GRHL2: variants seen among roughly 807,000 people sequenced by gnomAD.
GRHL2 encodes grainyhead-like protein 2 homolog.
In GRHL2, 21 loss-of-function variants were observed where a neutral mutation model predicts 83.8. The ratio of observed to expected loss-of-function variants is 0.25; its 90% CI spans 0.18 to 0.36. The LOEUF (loss-of-function observed/expected upper bound fraction) is 0.36, where lower values mean the gene tolerates loss of function less well. Among genes scored for constraint, GRHL2 ranks in the 10% least tolerant of loss-of-function variants. GRHL2 has a pLI of 1.00. For synonymous variants in GRHL2, 280 were observed against 278.9 expected (o/e 1.00, Z -0.04); for missense variants, 623 against 781.8 (o/e 0.80, Z 2.42).
chr8:101,606,176 C>G (rs1276435815), intron 8 of GRHL2, among the ~76,000 whole-genome samples: 1 of 152,196 alleles, frequency 6.6e-6, no homozygotes, highest in African/African-American at 2.4e-5. Context: ...CTCACATTTA[C>G]CAGGGTGGTA....
At chr8:101,548,903 T>C (rs942473635) in intron 2 of GRHL2, among the ~76,000 whole-genome samples, 5 of 152,202 alleles carry the variant, frequency 3.3e-5, no homozygotes, top group African/African-American at 1.2e-4. Flanking sequence ...CGCTAACATG[T>C]TTCAGTGTTT....
chr8:101,676,907 T>C, the GRHL2 span, among the ~76,000 whole-genome samples: 1 of 152,264 alleles, frequency 6.6e-6, no homozygotes, highest in African/African-American at 2.4e-5. Flanking sequence ...TCATGTCCTT[T>C]GTAGGGACAT....
Position 101,575,971 on chromosome 8 carries a change from T to C in GRHL2, c.892-1437T>C, listed in dbSNP as rs1258197584. Among the ~76,000 whole-genome samples the C allele has an allele frequency of 3.3e-5, 5 of 152,338 alleles. No homozygotes were observed. The East Asian group carries it at 9.6e-4, about 29-fold the overall frequency. ...CTAAACAGTTTTCCTAACAAACATC[T>C]GCTTTCTTGTGTAAAAATTGTTTAC... On this transcript the variant is annotated intron_variant, in intron 6 of 15. Coordinates refer to ENST00000646743, the MANE Select transcript of GRHL2 (RefSeq NM_024915.4).
intron 14 of GRHL2, among the ~76,000 whole-genome samples, chr8:101,652,390 TGTGTGTGTCTG>T (rs1256432274): frequency 7.5e-5 from 5 of 67,016 alleles, no homozygotes; most frequent in East Asian, 8.9e-4. Flanking sequence ...GTGTGGTGTG[TGTGTGTGTCTG>T]GTGTGTGTGT....
chr8:101,596,464 G>GTCC (rs1812394046), intron 7 of GRHL2, among the ~76,000 whole-genome samples: 1 of 152,092 alleles, frequency 6.6e-6, no homozygotes, highest in African/African-American at 2.4e-5. Flanking sequence ...AAGCATATAT[G>GTCC]AATTTTTAGC....
chr8:101,569,346 T>G (rs1811776286), intron 4 of GRHL2, among the ~76,000 whole-genome samples: 1 of 152,142 alleles, frequency 6.6e-6, no homozygotes, highest in Non-Finnish European at 1.5e-5. Flanking sequence ...CTTAACAATA[T>G]TGTGATAATG....
At chr8:101,524,556 AG>A (rs1262213127) in intron 1 of GRHL2, among the ~76,000 whole-genome samples, 4 of 152,206 alleles carry the variant, frequency 2.6e-5, no homozygotes, top group Non-Finnish European at 4.4e-5. Context: ...TTAAAAAAAA[AG>A]CTTCCTTTAA....
chr8:101,593,183 T>G (rs1194952710), intron 7 of GRHL2, among the ~76,000 whole-genome samples: 1 of 152,216 alleles, frequency 6.6e-6, no homozygotes, highest in Non-Finnish European at 1.5e-5. Context: ...TGACCTCAGA[T>G]GATCCACCTG....
At chr8:101,554,861 ATTAT>A (rs66711617) in intron 3 of GRHL2, among the ~76,000 whole-genome samples, 90,728 of 151,556 alleles carry the variant, frequency 0.6, 29,304 homozygotes, top group Non-Finnish European at 0.74. Context: ...CTTAGTTTTA[ATTAT>A]TCATTTTTTA....
Position 101,652,341 on chromosome 8 carries a change from ATG to A in GRHL2, c.1698+2849_1698+2850del, listed in dbSNP as rs761073289. 3.3e-3 allele frequency among the ~76,000 whole-genome samples: 245 copies of A among 73,908 alleles called. 22 individuals are homozygous for A. Among genetic ancestry groups the A allele is most frequent in the Non-Finnish European group, 4.8e-3 (192 of 39,756 alleles). 48.5% of individuals were successfully genotyped at this position (73,908 alleles called of 152,430 possible). Reference sequence around the variant, plus strand: ...GTGCGTGTGTGTGTGGTGTGTGTGTATGTGTGTGGTGTGTGTGGTGTGTGTGT... The same window carrying A: ...GTGCGTGTGTGTGTGGTGTGTGTGTATGTGTGGTGTGTGTGGTGTGTGTGT... On this transcript the variant is annotated intron_variant, in intron 14 of 15. Transcript: ENST00000646743.
intron 14 of GRHL2, among the ~76,000 whole-genome samples, chr8:101,655,074 C>T (rs1174523762): frequency 3.3e-5 from 5 of 151,894 alleles, no homozygotes; most frequent in East Asian, 1.9e-4. Flanking sequence ...GCCAGCTACT[C>T]GGGAGGCTGA....
chr8:101,643,043 C>T (rs148856830), intron 12 of GRHL2, among the ~76,000 whole-genome samples: 111 of 152,268 alleles, frequency 7.3e-4, no homozygotes, highest in African/African-American at 2.6e-3. Flanking sequence ...AACAGTTCTG[C>T]TGAGCTACCC....
At chr8:101,496,647 G>T (rs1447151512) in intron 1 of GRHL2, among the ~76,000 whole-genome samples, 1 of 152,120 alleles carries the variant, frequency 6.6e-6, no homozygotes. Context: ...ATTAGATGAT[G>T]ATAAGTGCTA....
chr8:101,558,748 A>C lies in GRHL2; in HGVS notation c.614A>C (p.Lys205Thr). The change falls in exon 4 of 16, where the codon AAA (lysine) becomes ACA (threonine). Residue 205 changes from lysine to threonine, a missense_variant. Lys to Thr is a moderately conservative substitution (Grantham distance 78, BLOSUM62 -1). This residue lies in a region of GRHL2 where 239 missense variants were observed against 240.5 expected (regional missense o/e 0.99). Transcript: ENST00000646743. ...PSLATHSAYL[K>T]DDQRSTPDST... ...CTGGCCACCCACAGCGCCTATCTCAAAGACGACCAGCGCAGCACTCCGGAC... is the reference window on the plus strand; with the variant it reads ...CTGGCCACCCACAGCGCCTATCTCACAGACGACCAGCGCAGCACTCCGGAC... 6.2e-7 allele frequency: 1 copy of C among 1,614,088 alleles called. No homozygotes were observed. The highest frequency in any genetic ancestry group is 2.2e-5 in the East Asian group (1 of 44,862).
intron 4 of GRHL2, among the ~76,000 whole-genome samples, chr8:101,569,132 T>C (rs1811772631): frequency 6.6e-6 from 1 of 152,214 alleles, no homozygotes; most frequent in Non-Finnish European, 1.5e-5. Flanking sequence ...AAAAACAAGA[T>C]ACGTGGTCAA....
chr8:101,589,031 A>G (rs1437806266), intron 7 of GRHL2, among the ~76,000 whole-genome samples: 1 of 152,168 alleles, frequency 6.6e-6, no homozygotes, highest in Non-Finnish European at 1.5e-5. Flanking sequence ...CTGCTGATTA[A>G]CCACTTTGGG....
At chr8:101,663,634 T>TG (rs1813974672) in intron 14 of GRHL2, among the ~76,000 whole-genome samples, 3 of 147,782 alleles carry the variant, frequency 2.0e-5, no homozygotes, top group African/African-American at 7.6e-5. Flanking sequence ...AATAAATAAA[T>TG]AAATAAATAA....
intron 8 of GRHL2, among the ~76,000 whole-genome samples, chr8:101,612,759 C>A (rs1377540298): frequency 6.6e-6 from 1 of 150,792 alleles, no homozygotes; most frequent in Non-Finnish European, 1.5e-5. Context: ...AATTTATCTT[C>A]TCTTAAGTAG....
At chr8:101,497,463 A>G (rs1810131189) in intron 1 of GRHL2, among the ~76,000 whole-genome samples, 1 of 152,246 alleles carries the variant, frequency 6.6e-6, no homozygotes, top group East Asian at 1.9e-4. Context: ...TTTTCAATGA[A>G]GTAAACTGAC....
Sources: gnomAD v4.1 joint callset for allele counts (sites outside exome capture counted in the v4.1 genomes callset) on GRCh38, gnomAD v4.1.1 for gene constraint, gnomAD v4.1.1 regional missense constraint, MANE v1.5 for transcripts, NCBI Gene and HGNC (gene_info 2026-07-23, HGNC 2026-07-21) for gene names.